The following TSPEAR variants were observed in gnomAD, a reference collection of about 807,000 sequenced individuals.
The protein encoded by TSPEAR is thrombospondin-type laminin G domain and EAR repeat-containing protein.
Under a neutral mutation model 71.6 loss-of-function variants are expected in TSPEAR, and 69 were observed. That is an observed-to-expected ratio of 0.96 (90% confidence interval 0.79 to 1.18). The LOEUF (loss-of-function observed/expected upper bound fraction) is 1.18, where lower values mean the gene tolerates loss of function less well. TSPEAR is among the 50% of genes most tolerant of loss of function. TSPEAR has a pLI of 0.00. For missense variants in TSPEAR, 971 were observed against 894.9 expected, an observed-to-expected ratio of 1.09 and a Z score of -1.09; for synonymous variants, 402 against 387.2, an observed-to-expected ratio of 1.04 and a Z score of -0.45.
chr21:44,574,741 G>C, intron 1 of TSPEAR: 1 of 1,613,034 alleles, frequency 6.2e-7, no homozygotes, highest in East Asian at 2.2e-5. Context: ...CCTGTGAGCT[G>C]TGTGCCTGTT....
chr21:44,580,502 C>T (rs1447137612), intron 1 of TSPEAR: 1 of 1,613,594 alleles, frequency 6.2e-7, no homozygotes, highest in Admixed American at 1.7e-5. Context: ...GGGCTCACAG[C>T]AGCTCTCTGG....
intron 1 of TSPEAR, chr21:44,627,331 T>C (rs587717276): frequency 1.9e-6 from 3 of 1,613,154 alleles, no homozygotes; most frequent in African/African-American, 2.7e-5. Flanking sequence ...GAGCCGTGTA[T>C]CCAGCCCCTG....
In TSPEAR at chr21:44,711,551, C is replaced by T. The variant is rs781945624; in HGVS notation, c.-37G>A. On this transcript the variant is annotated 5_prime_UTR_variant, in exon 1 of 12. Coordinates refer to ENST00000323084, the MANE Select transcript of TSPEAR (RefSeq NM_144991.3). This position sits in a 1 kb window ranked among gnomAD's most constrained non-coding sequence, Gnocchi z 4.5. The stretch of plus-strand genomic sequence containing the variant: ...GTGCCAAGCTCCATCCAGGGCTCCG[C>T]TCAGCCTGCAGGGAAGTGGCTGCTC... The T allele has an allele frequency of 6.3e-7, 1 of 1,590,662 alleles. No individual in the cohort carries two copies. The highest frequency in any genetic ancestry group is 8.6e-7 in the Non-Finnish European group (1 of 1,167,986).
At chr21:44,559,452 C>T (rs988889580) in intron 2 of TSPEAR, among the ~76,000 whole-genome samples, 10 of 152,164 alleles carry the variant, frequency 6.6e-5, no homozygotes, top group African/African-American at 2.2e-4. Flanking sequence ...TTTCATTTCA[C>T]GTTGAACTGT....
chr21:44,612,642 C>T lies in TSPEAR; in HGVS notation c.83-44637G>A, dbSNP rs782003448. The T allele has an allele frequency of 8.7e-6, 14 of 1,613,976 alleles. No individual in the cohort carries two copies. Among genetic ancestry groups the T allele is most frequent in the Non-Finnish European group, 1.1e-5 (13 of 1,179,962 alleles). On this transcript the variant is annotated intron_variant, in intron 1 of 11. Coordinates refer to ENST00000323084, the MANE Select transcript of TSPEAR (RefSeq NM_144991.3). The surrounding 1 kb of genome is among the most constrained non-coding windows in gnomAD (Gnocchi z 4.1). Reference sequence around the variant, plus strand: ...CCCATCTGCTGTGTGCCTGTCTGCTCTGGGGCTTCCTCTCTGTGCTGCCAG... The same window carrying T: ...CCCATCTGCTGTGTGCCTGTCTGCTTTGGGGCTTCCTCTCTGTGCTGCCAG...
intron 2 of TSPEAR, among the ~76,000 whole-genome samples, chr21:44,565,004 T>A (rs1194673436): frequency 6.6e-6 from 1 of 151,606 alleles, no homozygotes. Context: ...CACACAAATA[T>A]GTGAAAATTA....
chr21:44,555,000 AGGT>A (rs2053503114), intron 2 of TSPEAR, among the ~76,000 whole-genome samples: 1 of 152,232 alleles, frequency 6.6e-6, no homozygotes, highest in Non-Finnish European at 1.5e-5. Context: ...ATAAGCATAA[AGGT>A]AAACTTAAAA....
chr21:44,617,828 C>T lies in TSPEAR; in HGVS notation c.83-49823G>A, dbSNP rs782210463. 3.2e-4 allele frequency among the ~76,000 whole-genome samples: 49 copies of T among 152,214 alleles called. 1 individual carries two copies. Among genetic ancestry groups the T allele is most frequent in the Admixed American group, 1.7e-3 (26 of 15,288 alleles). ...CTCTCTAGTTGTTCTTTATTACAAA[C>T]GACACTTCTGTGTGTGTTTCCACTA... is the stretch of plus-strand genomic sequence containing the variant. On this transcript the variant is annotated intron_variant, in intron 1 of 11. Transcript: ENST00000323084.
chr21:44,527,592 G>A (rs1385668742), intron 6 of TSPEAR, 74 bp from the exon 7 acceptor site: 21 of 1,456,666 alleles, frequency 1.4e-5, no homozygotes, highest in Middle Eastern at 2.0e-4. Context: ...GCGGGAGCGC[G>A]ATTCCCAAGC....
intron 1 of TSPEAR, among the ~76,000 whole-genome samples, chr21:44,694,253 C>CATAT (rs1394625774): frequency 2.0e-5 from 3 of 152,214 alleles, no homozygotes; most frequent in Non-Finnish European, 2.9e-5. Flanking sequence ...AGTCCTGACA[C>CATAT]ATATTGCAAC....
chr21:44,607,563 G>A (rs76252747), intron 1 of TSPEAR, among the ~76,000 whole-genome samples: 1,559 of 152,268 alleles, frequency 0.01, 8 homozygotes, highest in Non-Finnish European at 0.016. Flanking sequence ...CAAAGACTTC[G>A]GGAACGGGGT....
At chr21:44,591,257 A>G in intron 1 of TSPEAR, 1 of 1,460,414 alleles carries the variant, frequency 6.8e-7, no homozygotes, top group Non-Finnish European at 9.1e-7. Flanking sequence ...CAGGGGGAGC[A>G]TCCTGGTCCC....
intron 1 of TSPEAR, among the ~76,000 whole-genome samples, chr21:44,584,802 C>A (rs782277656): frequency 8.5e-5 from 13 of 152,190 alleles, no homozygotes; most frequent in Non-Finnish European, 1.3e-4. Flanking sequence ...TGAAGAATAT[C>A]TTTCAATACC....
chr21:44,709,686 G>A (rs1228331057), intron 1 of TSPEAR, among the ~76,000 whole-genome samples: 2 of 152,258 alleles, frequency 1.3e-5, no homozygotes, highest in African/African-American at 4.8e-5. Flanking sequence ...GCCACGGCCC[G>A]GTGCCTTCAC....
chr21:44,656,427 AT>A (rs587750147), intron 1 of TSPEAR, among the ~76,000 whole-genome samples: 2 of 151,864 alleles, frequency 1.3e-5, no homozygotes, highest in African/African-American at 4.8e-5. Flanking sequence ...GTTTTGAAGG[AT>A]TTTTTTCATA....
At chr21:44,537,037 C>A (rs1555916438) in intron 2 of TSPEAR, among the ~76,000 whole-genome samples, 1 of 152,180 alleles carries the variant, frequency 6.6e-6, no homozygotes, top group Non-Finnish European at 1.5e-5. Context: ...TGATGGAATT[C>A]TAAATGGAAC....
At chr21:44,659,782 T>A (rs1327776163) in intron 1 of TSPEAR, among the ~76,000 whole-genome samples, 8 of 152,014 alleles carry the variant, frequency 5.3e-5, no homozygotes, top group Admixed American at 5.2e-4. Context: ...CAAGACACTA[T>A]CTCTAAAAAC....
At chr21:44,511,479 TACAC>T (rs782723287) in intron 9 of TSPEAR, among the ~76,000 whole-genome samples, 27 of 152,360 alleles carry the variant, frequency 1.8e-4, no homozygotes, top group Admixed American at 9.1e-4. Context: ...CATGTATACC[TACAC>T]ACACGTATGT....
In TSPEAR at chr21:44,617,157, A is replaced by T. The variant is rs587701985; in HGVS notation, c.83-49152T>A. 3.3e-5 allele frequency among the ~76,000 whole-genome samples: 5 copies of T among 152,272 alleles called. No homozygotes were observed. The East Asian group carries it at 9.7e-4, about 29-fold the overall frequency. ...CAGCATGGCCACGTCCACCATGTTC[A>T]TCTCCTCTAGCAGTTGCACTGACTC... On this transcript the variant is annotated intron_variant, in intron 1 of 11. Coordinates refer to ENST00000323084, the MANE Select transcript of TSPEAR (RefSeq NM_144991.3).
Sources: gnomAD v4.1 joint callset for allele counts (sites outside exome capture counted in the v4.1 genomes callset) on GRCh38, gnomAD v4.1.1 for gene constraint, Gnocchi (gnomAD v3.1) non-coding constraint, MANE v1.5 for transcripts, NCBI Gene and HGNC (gene_info 2026-07-23, HGNC 2026-07-21) for gene names.